The following ASTN2 variants were observed in gnomAD, a reference collection of about 807,000 sequenced individuals.
The protein encoded by ASTN2 is astrotactin-2.
A neutral mutation model predicts 139.8 loss-of-function variants in ASTN2; 54 were observed. The ratio of observed to expected loss-of-function variants is 0.39; its 90% CI spans 0.31 to 0.48. The LOEUF is 0.48. ASTN2 is among the 20% of genes least tolerant of loss of function. The probability of loss-of-function intolerance (pLI) is 0.95; values close to 1 mark genes in which losing one functional copy is unlikely to be tolerated. For missense variants in ASTN2, 1,565 were observed against 1,725.1 expected (o/e 0.91, Z 1.64); for synonymous variants, 756 against 719.5 (o/e 1.05, Z -0.81).
chr9:116,761,128 T>C (rs991195571), intron 13 of ASTN2, among the ~76,000 whole-genome samples: 5 of 152,190 alleles, frequency 3.3e-5, no homozygotes, highest in Non-Finnish European at 5.9e-5. Context: ...TGTCACTTTG[T>C]CCAGCAACCT....
At chr9:116,855,709 G>T (rs1832722233) in intron 11 of ASTN2, among the ~76,000 whole-genome samples, 1 of 152,164 alleles carries the variant, frequency 6.6e-6, no homozygotes, top group East Asian at 1.9e-4. Flanking sequence ...GTTTGACAGA[G>T]TTTGGAGTTT....
At chr9:116,801,450 G>A (rs961780253) in intron 13 of ASTN2, among the ~76,000 whole-genome samples, 2 of 151,512 alleles carry the variant, frequency 1.3e-5, no homozygotes, top group African/African-American at 4.9e-5. Context: ...GGTGTGGTGT[G>A]TGCCTGTAAT....
intron 7 of ASTN2, among the ~76,000 whole-genome samples, chr9:116,995,682 C>T (rs1836993124): frequency 6.6e-6 from 1 of 152,102 alleles, no homozygotes; most frequent in Non-Finnish European, 1.5e-5. Context: ...GGCCAGACTT[C>T]TAGGTTTCAA....
At chr9:117,244,923 C>T (rs981406996) in intron 2 of ASTN2, among the ~76,000 whole-genome samples, 2 of 151,996 alleles carry the variant, frequency 1.3e-5, no homozygotes, top group Non-Finnish European at 2.9e-5. Context: ...GTTTAATGCA[C>T]GATTATTTTG....
intron 19 of ASTN2, among the ~76,000 whole-genome samples, chr9:116,560,425 C>T (rs1564116358): frequency 2.0e-5 from 3 of 152,092 alleles, no homozygotes; most frequent in African/African-American, 7.2e-5. Flanking sequence ...ATTCCAAAAA[C>T]CTTAACATTA....
Position 116,618,343 on chromosome 9 carries a change from T to C in ASTN2, c.3336A>G (p.Thr1112=). Reference sequence around the variant, plus strand: ...ACCTACCTGTGTACAGGTCAGTGTCTGTGTATTCATCCACTTTCTTATGCT... The same window carrying C: ...ACCTACCTGTGTACAGGTCAGTGTCCGTGTATTCATCCACTTTCTTATGCT... ...ILQHKKVDEY[T]DTDLYTGEFL... is the part of the protein sequence containing the mutation. The change falls in exon 19 of 23, where the codon ACA becomes ACG. Residue 1112 remains threonine (T), a synonymous_variant. Coordinates refer to ENST00000313400, the MANE Select transcript of ASTN2 (RefSeq NM_001365068.1). 1 of 1,614,104 alleles carries C rather than the reference T, an allele frequency of 6.2e-7. No homozygotes were observed. Among genetic ancestry groups the C allele is most frequent in the South Asian group, 1.1e-5 (1 of 91,060 alleles).
At chr9:116,654,392 G>A (rs1296703332) in intron 16 of ASTN2, among the ~76,000 whole-genome samples, 1 of 152,176 alleles carries the variant, frequency 6.6e-6, no homozygotes, top group Non-Finnish European at 1.5e-5. Context: ...TACAGGTGGG[G>A]AAACTGAGTT....
chr9:116,728,850 A>T, intron 15 of ASTN2, 142 bp downstream of exon 15: 1 of 671,666 alleles, frequency 1.5e-6, no homozygotes, highest in Non-Finnish European at 2.6e-6. Context: ...CACCCTCCCT[A>T]GGACTCCTTG....
chr9:117,390,836 C>G (rs908485510), intron 1 of ASTN2, among the ~76,000 whole-genome samples: 1 of 152,134 alleles, frequency 6.6e-6, no homozygotes, highest in Non-Finnish European at 1.5e-5. Context: ...GAGTTTTCAA[C>G]TCATTTGGGT....
chr9:116,770,819 C>T (rs1829936144), intron 13 of ASTN2, among the ~76,000 whole-genome samples: 1 of 152,138 alleles, frequency 6.6e-6, no homozygotes, highest in Non-Finnish European at 1.5e-5. Context: ...GAGAAGGACT[C>T]TCTTGAGGGT....
At chr9:116,620,015 A>G (rs2131826753) in intron 18 of ASTN2, among the ~76,000 whole-genome samples, 1 of 152,154 alleles carries the variant, frequency 6.6e-6, no homozygotes, top group Non-Finnish European at 1.5e-5. Context: ...AAGACCTGAC[A>G]AAGTAGTCAG....
intron 10 of ASTN2, among the ~76,000 whole-genome samples, chr9:116,873,215 GT>G (rs1833210451): frequency 6.6e-6 from 1 of 152,208 alleles, no homozygotes; most frequent in South Asian, 2.1e-4. Context: ...TTTTGAGGCT[GT>G]TTTGAGACCT....
intron 19 of ASTN2, among the ~76,000 whole-genome samples, chr9:116,581,291 G>A (rs1298937743): frequency 6.6e-6 from 1 of 152,082 alleles, no homozygotes; most frequent in Non-Finnish European, 1.5e-5. Flanking sequence ...ACAGACCTGG[G>A]TTCAAATTTT....
intron 12 of ASTN2, among the ~76,000 whole-genome samples, chr9:116,807,114 T>A (rs1831049123): frequency 6.6e-6 from 1 of 152,240 alleles, no homozygotes; most frequent in African/African-American, 2.4e-5. Flanking sequence ...CTGGTTGGTA[T>A]GTCAGTTTGA....
At chr9:117,304,583 G>A (rs1183461966) in intron 1 of ASTN2, among the ~76,000 whole-genome samples, 2 of 152,158 alleles carry the variant, frequency 1.3e-5, no homozygotes, top group African/African-American at 2.4e-5. Context: ...TCTGATTTGA[G>A]AGTGAGTGAG....
At chr9:116,796,880 T>C (rs1037043136) in intron 13 of ASTN2, among the ~76,000 whole-genome samples, 1 of 152,186 alleles carries the variant, frequency 6.6e-6, no homozygotes, top group Non-Finnish European at 1.5e-5. Flanking sequence ...GGTGCCATCA[T>C]GGCTCACGGC....
chr9:116,490,520 A>G (rs1381383832), intron 19 of ASTN2, among the ~76,000 whole-genome samples: 1 of 152,112 alleles, frequency 6.6e-6, no homozygotes, highest in Non-Finnish European at 1.5e-5. Flanking sequence ...ATTAGTCATT[A>G]TCACATTGCT....
chr9:116,704,539 ACC>A (rs1827940932), intron 16 of ASTN2, among the ~76,000 whole-genome samples: 1 of 152,210 alleles, frequency 6.6e-6, no homozygotes, highest in Non-Finnish European at 1.5e-5. Flanking sequence ...ATGTAAAAGT[ACC>A]TAATTCAGAA....
At chr9:116,816,640 C>A (rs1564283653) in intron 12 of ASTN2, among the ~76,000 whole-genome samples, 1 of 152,098 alleles carries the variant, frequency 6.6e-6, no homozygotes, top group Admixed American at 6.6e-5. Context: ...GTAGTCCCTG[C>A]TCATGAGGAG....
Sources: gnomAD v4.1 joint callset for allele counts (sites outside exome capture counted in the v4.1 genomes callset) on GRCh38, gnomAD v4.1.1 for gene constraint, MANE v1.5 for transcripts, NCBI Gene and HGNC (gene_info 2026-07-23, HGNC 2026-07-21) for gene names.